Variants in WDR59 observed in about 807,000 individuals in gnomAD.
WDR59 encodes WD repeat domain 59.
WDR59 carries 100 observed loss-of-function variants against 131.2 expected under a neutral mutation model. The ratio of observed to expected loss-of-function variants is 0.76; its 90% confidence interval spans 0.65 to 0.90. The LOEUF (loss-of-function observed/expected upper bound fraction) is 0.90, where lower values mean the gene tolerates loss of function less well. Ranked by LOEUF, WDR59 falls within the 40% of genes least tolerant of loss-of-function variation. The pLI is 0.00. For synonymous variants in WDR59, 601 were observed against 466.2 expected, an observed-to-expected ratio of 1.29 and a Z score of -3.72; for missense variants, 1,203 against 1,262.2, an observed-to-expected ratio of 0.95 and a Z score of 0.71.
At position 74,873,477 on chromosome 16, in the gene WDR59, G is replaced by C. The variant is rs1964054732; in HGVS notation, c.*732C>G. On this transcript the variant is annotated 3_prime_UTR_variant, in exon 26 of 26. Transcript: ENST00000262144. Reference sequence around the variant, plus strand: ...CTTGTCAGATGACAAAAGTAAATCAGCATTTCCTTTAAAAATCGGAGCACT... The same window carrying C: ...CTTGTCAGATGACAAAAGTAAATCACCATTTCCTTTAAAAATCGGAGCACT... The C allele has an allele frequency of 6.6e-6, 1 of 152,024 alleles. No individual in the cohort carries two copies. The highest frequency in any genetic ancestry group is 2.4e-5 in the African/African-American group (1 of 41,392). The allele number at this position is 152,024 out of a possible 1,614,324, so 9.4% of individuals were successfully genotyped here. A position where few individuals can be genotyped will look rare whatever the true frequency, so the allele number is the denominator to read the frequency against.
At chr16:74,959,484 G>A (rs1184897139) in intron 2 of WDR59, 11 of 443,396 alleles carry the variant, frequency 2.5e-5, no homozygotes, top group Non-Finnish European at 4.5e-5. Context: ...AAGCCTTCAT[G>A]GTTGGAAGCA....
At position 74,911,008 on chromosome 16, in the gene WDR59, C is replaced by T. The variant is rs150222857; in HGVS notation, c.1390-1091G>A. ...CCTACCGAGTCGCTGGGAATACAGG[C>T]ATGCGCCACCACGCCTGGCTACTTT... On this transcript the variant is annotated intron_variant, in intron 14 of 25. Transcript: ENST00000262144. 9.6e-4 allele frequency among the ~76,000 whole-genome samples: 146 copies of T among 152,296 alleles called. 3 individuals carry two copies. The East Asian group carries it at 0.027, about 28-fold the overall frequency.
In WDR59 at chr16:74,942,843, G is replaced by A; in HGVS notation, c.446-17C>T. The A allele has an allele frequency of 6.2e-7, 1 of 1,612,422 alleles. No individual in the cohort carries two copies. The highest frequency in any genetic ancestry group is 8.5e-7 in the Non-Finnish European group (1 of 1,178,934). Reference sequence around the variant, plus strand: ...AGGCACCCGCTGCAAAGAAAAATCAGGGAAGAAAGCTGCTGCCCTTGGTGC... The same window carrying A: ...AGGCACCCGCTGCAAAGAAAAATCAAGGAAGAAAGCTGCTGCCCTTGGTGC... On this transcript the variant is annotated splice_polypyrimidine_tract_variant and intron_variant, in intron 6 of 25. Coordinates refer to ENST00000262144, the MANE Select transcript of WDR59 (RefSeq NM_030581.4).
chr16:74,924,682 A>G (rs1244720081), intron 8 of WDR59, among the ~76,000 whole-genome samples: 1 of 152,236 alleles, frequency 6.6e-6, no homozygotes, highest in Non-Finnish European at 1.5e-5. Context: ...GAACTCCAGC[A>G]TTTGTCACAA....
intron 13 of WDR59, chr16:74,915,659 A>G (rs1966333505): frequency 3.9e-6 from 2 of 517,884 alleles, no homozygotes; most frequent in Non-Finnish European, 6.6e-6. Flanking sequence ...CCTGGTTTCA[A>G]GTGATCTGTC....
chr16:74,906,437 G>A (rs930626594), intron 17 of WDR59, among the ~76,000 whole-genome samples: 1 of 151,992 alleles, frequency 6.6e-6, no homozygotes, highest in Non-Finnish European at 1.5e-5. Context: ...AACATTGCTA[G>A]TGACAGGGTA....
chr16:74,908,745 T>C (rs1383761462), intron 17 of WDR59, 163 bp downstream of exon 17: 2 of 574,688 alleles, frequency 3.5e-6, no homozygotes, highest in East Asian at 2.9e-5. Context: ...ACAGCTTTTT[T>C]GCAATTTAAT....
rs548297840 is a variant in WDR59, at chr16:74,945,418, G to A, written c.446-2592C>T. 2.2e-4 allele frequency among the ~76,000 whole-genome samples: 33 copies of A among 151,984 alleles called. No homozygotes were observed. The South Asian group carries it at 2.7e-3, about 12-fold the overall frequency. ...CGAGAACCTGGGAGGCAGAGCTTGC[G>A]GTGAGCTGAGATCATGCCACTGCAC... On this transcript the variant is annotated intron_variant, in intron 6 of 25. Coordinates refer to ENST00000262144, the MANE Select transcript of WDR59 (RefSeq NM_030581.4).
chr16:74,970,536 C>CCCA (rs1354390013), intron 1 of WDR59, among the ~76,000 whole-genome samples: 1 of 122,054 alleles, frequency 8.2e-6, no homozygotes, highest in Non-Finnish European at 1.9e-5. Flanking sequence ...AAGCAGCTCT[C>CCCA]CCAAGGACCT....
intron 8 of WDR59, among the ~76,000 whole-genome samples, chr16:74,927,960 T>G (rs1354808525): frequency 1.4e-5 from 2 of 143,298 alleles, no homozygotes; most frequent in Non-Finnish European, 3.0e-5. Flanking sequence ...CAGGCTGGAG[T>G]GCAGTAGCGC....
chr16:74,976,267 T>C (rs746772940), intron 1 of WDR59, among the ~76,000 whole-genome samples: 3 of 152,110 alleles, frequency 2.0e-5, no homozygotes, highest in Non-Finnish European at 4.4e-5. Flanking sequence ...TCCTCAATCT[T>C]TATCTTTGTG....
chr16:74,878,010 C>T (rs1005037627), intron 25 of WDR59, among the ~76,000 whole-genome samples: 6 of 152,174 alleles, frequency 3.9e-5, no homozygotes, highest in African/African-American at 1.4e-4. Context: ...CTACTATAAA[C>T]GTCAGCTACC....
chr16:74,877,764 C>T (rs1442371527), intron 25 of WDR59, among the ~76,000 whole-genome samples: 2 of 152,140 alleles, frequency 1.3e-5, no homozygotes, highest in Admixed American at 6.6e-5. Context: ...AGTCTGGTCT[C>T]GAACTCCTGA....
intron 25 of WDR59, among the ~76,000 whole-genome samples, chr16:74,876,044 T>C (rs1236764900): frequency 6.6e-6 from 1 of 152,078 alleles, no homozygotes; most frequent in Non-Finnish European, 1.5e-5. Flanking sequence ...CCTTCGTCGT[T>C]ACACCACGCA....
chr16:74,938,318 G>A (rs1184860380), intron 7 of WDR59, 52 bp from the exon 8 acceptor site: 9 of 1,278,696 alleles, frequency 7.0e-6, no homozygotes, highest in Non-Finnish European at 9.4e-6. Flanking sequence ...CTCTTTGAGT[G>A]TCTATCACGT....
chr16:74,954,102 G>T lies in WDR59; in HGVS notation c.240+2373C>A, dbSNP rs190252181. Among the ~76,000 whole-genome samples the T allele has an allele frequency of 1.9e-3, 291 of 152,026 alleles. 1 individual carries two copies. Among genetic ancestry groups the T allele is most frequent in the Non-Finnish European group, 2.8e-3 (188 of 67,984 alleles). Reference sequence around the variant, plus strand: ...ATACTCAACATCCTTAGTCACTGGGGGAATATAAACTAAAACCACAATAAG... The same window carrying T: ...ATACTCAACATCCTTAGTCACTGGGTGAATATAAACTAAAACCACAATAAG... On this transcript the variant is annotated intron_variant, in intron 3 of 25. Coordinates refer to ENST00000262144, the MANE Select transcript of WDR59 (RefSeq NM_030581.4).
In WDR59 at chr16:74,887,686, T is replaced by C. The variant is rs1964833216; in HGVS notation, c.2416A>G (p.Ile806Val). 1.9e-6 allele frequency: 3 copies of C among 1,614,114 alleles called. No individual in the cohort carries two copies. Among genetic ancestry groups the C allele is most frequent in the East Asian group, 2.2e-5 (1 of 44,882 alleles). The change falls in exon 23 of 26, where the codon ATA becomes GTA. Residue 806 changes from isoleucine to valine, a missense_variant. Transcript: ENST00000262144. ...DPGLNTGGWN[I>V]AGREAEHLSS... ...GCTAAGTCATTTCCATACAAACCTA[T>C]GTTCCAGCCGCCAGTGTTGAGCCCT...
In WDR59 at chr16:74,922,109, G is replaced by A; in HGVS notation, c.730-6C>T. 1 of 1,614,036 alleles carries A rather than the reference G, an allele frequency of 6.2e-7. No homozygotes were observed. Among genetic ancestry groups the A allele is most frequent in the Non-Finnish European group, 8.5e-7 (1 of 1,179,968 alleles). ...ACCAATCCATTGCTGAAAGGCTAAG[G>A]CAGGGAAGGGAAAAGCAGGTGATTA... On this transcript the variant is annotated splice_polypyrimidine_tract_variant and splice_region_variant and intron_variant, in intron 9 of 25. Coordinates refer to ENST00000262144, the MANE Select transcript of WDR59 (RefSeq NM_030581.4).
chr16:74,879,038 C>T (rs1201804777), intron 25 of WDR59, among the ~76,000 whole-genome samples: 1 of 152,148 alleles, frequency 6.6e-6, no homozygotes, highest in Non-Finnish European at 1.5e-5. Flanking sequence ...TGAAGAGATT[C>T]CTGAATACCA....
Sources: gnomAD v4.1 joint callset for allele counts (sites outside exome capture counted in the v4.1 genomes callset) on GRCh38, gnomAD v4.1.1 for gene constraint, MANE v1.5 for transcripts, NCBI Gene and HGNC (gene_info 2026-07-23, HGNC 2026-07-21) for gene names.